TBC1D5: variants seen among roughly 807,000 people sequenced by gnomAD.
TBC1D5 encodes TBC1 domain family, member 5.
Under a neutral mutation model 100.3 loss-of-function variants are expected in TBC1D5, and 75 were observed. The observed-to-expected ratio is 0.75, with a 90% CI of 0.62 to 0.91. The LOEUF is 0.91. Among genes scored for constraint, TBC1D5 ranks in the 40% least tolerant of loss-of-function variants. The pLI is 0.00. For synonymous variants in TBC1D5, 323 were observed against 325.6 expected (o/e 0.99, Z 0.09); for missense variants, 910 against 942.4 (o/e 0.97, Z 0.45).
rs145996394 is a variant in TBC1D5 at position 17,308,067 on chromosome 3, A to C, written c.1063T>G (p.Leu355Val). 154 of 1,610,748 alleles carry C rather than the reference A, an allele frequency of 9.6e-5. No homozygotes were observed. Among genetic ancestry groups the C allele is most frequent in the Non-Finnish European group, 1.2e-4 (142 of 1,179,308 alleles). ...CCCAGGCTGAGGCCGTCTGCAAACAAGGCATCCCAGACCACCAGAAGGTCC... is the reference window on the plus strand; with the variant it reads ...CCCAGGCTGAGGCCGTCTGCAAACACGGCATCCCAGACCACCAGAAGGTCC... The change falls in exon 14 of 22, where the codon TTG (leucine) becomes GTG (valine). Residue 355 changes from leucine to valine, a missense_variant. Physicochemically the swap from Leu to Val is conservative, Grantham distance 32. Coordinates refer to ENST00000253692, the Ensembl canonical transcript of TBC1D5.
At chr3:17,342,435 G>T (rs1223249727) in intron 13 of TBC1D5, among the ~76,000 whole-genome samples, 2 of 152,050 alleles carry the variant, frequency 1.3e-5, no homozygotes, top group African/African-American at 4.8e-5. Context: ...TATTTACAGG[G>T]CTAATTTCTT....
chr3:17,732,720 A>AAAATAAATAAAT (rs60531914), intron 1 of TBC1D5, among the ~76,000 whole-genome samples: 1,695 of 144,860 alleles, frequency 0.012, 33 homozygotes, highest in African/African-American at 0.037. Flanking sequence ...CCGTCTCAAA[A>AAAATAAATAAAT]AAATAAATAA....
intron 15 of TBC1D5, among the ~76,000 whole-genome samples, chr3:17,282,030 A>G (rs2080661999): frequency 1.3e-5 from 2 of 152,208 alleles, no homozygotes; most frequent in Admixed American, 6.5e-5. Flanking sequence ...TTTCATATAT[A>G]ATAAGAAAAA....
chr3:17,657,499 G>A (rs2066206506), intron 1 of TBC1D5, among the ~76,000 whole-genome samples: 2 of 151,954 alleles, frequency 1.3e-5, no homozygotes, highest in African/African-American at 4.8e-5. Context: ...ACCATGCCCG[G>A]CTAATTTTTT....
Position 17,318,128 on chromosome 3 carries a change from C to CA in TBC1D5, c.996-9995dup, listed in dbSNP as rs1288525692. On this transcript the variant is annotated intron_variant, in intron 13 of 21. Coordinates refer to ENST00000253692, the Ensembl canonical transcript of TBC1D5. Reference sequence around the variant, plus strand: ...CATTCTCAGTAAACTATCGCAAGGACAAAAAACCAAACACCCCATATTCTC... The same window carrying CA: ...CATTCTCAGTAAACTATCGCAAGGACAAAAAAACCAAACACCCCATATTCTC... Among the ~76,000 whole-genome samples, 13 of 148,374 alleles carry CA rather than the reference C, an allele frequency of 8.8e-5. 1 individual carries two copies. The South Asian group carries it at 1.9e-3, about 22-fold the overall frequency.
chr3:17,466,628 A>G (rs2095305391), intron 3 of TBC1D5, among the ~76,000 whole-genome samples: 2 of 152,372 alleles, frequency 1.3e-5, no homozygotes, highest in Non-Finnish European at 2.9e-5. Flanking sequence ...ATACTTATCC[A>G]ATAGATAGGC....
intron 2 of TBC1D5, among the ~76,000 whole-genome samples, chr3:17,609,518 T>C (rs1025395898): frequency 2.0e-5 from 3 of 152,240 alleles, no homozygotes; most frequent in African/African-American, 7.2e-5. Context: ...TTCTGACTCT[T>C]TTTCTAATGT....
At chr3:17,290,993 T>C (rs1011232674) in intron 15 of TBC1D5, among the ~76,000 whole-genome samples, 1 of 152,222 alleles carries the variant, frequency 6.6e-6, no homozygotes, top group Non-Finnish European at 1.5e-5. Context: ...CTTTAGAATC[T>C]AAATTTACAT....
intron 3 of TBC1D5, among the ~76,000 whole-genome samples, chr3:17,439,767 A>G (rs752011421): frequency 5.3e-5 from 8 of 152,202 alleles, no homozygotes; most frequent in African/African-American, 1.2e-4. Flanking sequence ...TTAAAATCTG[A>G]TAACTAGAAA....
intron 2 of TBC1D5, among the ~76,000 whole-genome samples, chr3:17,533,407 T>C (rs2096252541): frequency 6.6e-6 from 1 of 152,138 alleles, no homozygotes; most frequent in African/African-American, 2.4e-5. Context: ...TACACTAGTG[T>C]ATGGCATATC....
chr3:17,328,275 T>TAA (rs201518364), intron 13 of TBC1D5, among the ~76,000 whole-genome samples: 32 of 142,572 alleles, frequency 2.2e-4, no homozygotes, highest in African/African-American at 6.6e-4. Context: ...TCTCTTTATT[T>TAA]AAAAAAAAAA....
intron 4 of TBC1D5, among the ~76,000 whole-genome samples, chr3:17,414,016 A>C (rs1164094695): frequency 6.6e-6 from 1 of 152,194 alleles, no homozygotes; most frequent in African/African-American, 2.4e-5. Context: ...TGGAAGAAAA[A>C]AGAGATAAGG....
intron 3 of TBC1D5, among the ~76,000 whole-genome samples, chr3:17,449,401 G>A (rs1323289902): frequency 6.6e-6 from 1 of 152,154 alleles, no homozygotes; most frequent in East Asian, 1.9e-4. Context: ...CACTCCCGTG[G>A]AATGGGTGCT....
intron 8 of TBC1D5, among the ~76,000 whole-genome samples, chr3:17,386,974 T>C (rs1575637150): frequency 6.6e-6 from 1 of 152,144 alleles, no homozygotes; most frequent in African/African-American, 2.4e-5. Flanking sequence ...AAAATATGTA[T>C]TATGCAGACA....
At position 17,163,261 on chromosome 3, in the gene TBC1D5, C is replaced by T. The variant is rs1010043644; in HGVS notation, c.2095-2005G>A. 3.9e-4 allele frequency among the ~76,000 whole-genome samples: 22 copies of T among 56,368 alleles called. No individual in the cohort carries two copies. The East Asian group carries it at 0.02, about 50-fold the overall frequency. 37.0% of individuals were successfully genotyped at this position (56,368 alleles called of 152,430 possible). A position where few individuals can be genotyped will look rare whatever the true frequency, so the allele number is the denominator to read the frequency against. ...CAGCCATTTTCTTTTATTGACCCCC[C>T]CCCCTTCCTTGCCCCTTTGCATTAC... is the stretch of plus-strand genomic sequence containing the variant. On this transcript the variant is annotated intron_variant, in intron 21 of 21. Transcript: ENST00000253692.
intron 14 of TBC1D5, among the ~76,000 whole-genome samples, chr3:17,299,994 T>G (rs2082668783): frequency 6.6e-6 from 1 of 152,048 alleles, no homozygotes; most frequent in African/African-American, 2.4e-5. Context: ...ACCTAGAACC[T>G]TTCTTAAAAT....
intron 12 of TBC1D5, among the ~76,000 whole-genome samples, 162 bp downstream of exon 12, chr3:17,374,309 A>C (rs2092607815): frequency 1.3e-5 from 2 of 152,140 alleles, no homozygotes; most frequent in South Asian, 4.1e-4. Context: ...ATATGATTAG[A>C]AATATACTTA....
chr3:17,618,057 A>T (rs546583304), intron 2 of TBC1D5, among the ~76,000 whole-genome samples: 4 of 152,128 alleles, frequency 2.6e-5, no homozygotes, highest in African/African-American at 9.6e-5. Flanking sequence ...TTGGTCTTTG[A>T]TGTTGGTGAC....
chr3:17,703,124 G>C (rs1001469431), intron 1 of TBC1D5, among the ~76,000 whole-genome samples: 3 of 151,998 alleles, frequency 2.0e-5, no homozygotes, highest in Non-Finnish European at 4.4e-5. Context: ...AGAATATGTG[G>C]CCTTATCATT....
Sources: gnomAD v4.1 joint callset for allele counts (sites outside exome capture counted in the v4.1 genomes callset) on GRCh38, gnomAD v4.1.1 for gene constraint, MANE v1.5 for transcripts, NCBI Gene and HGNC (gene_info 2026-07-23, HGNC 2026-07-21) for gene names.